Variants in BBS5 observed in about 807,000 individuals in gnomAD.
The protein encoded by BBS5 is Bardet-Biedl syndrome 5.
In BBS5, 39 loss-of-function variants were observed where a neutral mutation model predicts 50.2. That is an observed-to-expected ratio of 0.78 (90% confidence interval 0.60 to 1.01). The LOEUF (loss-of-function observed/expected upper bound fraction) is 1.01, where lower values mean the gene tolerates loss of function less well. Among genes scored for constraint, BBS5 ranks in the 50% least tolerant of loss-of-function variants. The probability of loss-of-function intolerance (pLI) is 0.00; values close to 1 mark genes in which losing one functional copy is unlikely to be tolerated. For missense variants in BBS5, 356 were observed against 401.5 expected (o/e 0.89, Z 0.97); for synonymous variants, 134 against 133.1 (o/e 1.01, Z -0.05).
In BBS5 at chr2:169,497,704, A is replaced by C. The variant is rs1262881139; in HGVS notation, c.681+15A>C. Reference sequence around the variant, plus strand: ...GCTCTCAGCAGGTAAGATCTTGTATATTTTTATTAATCTTTGATTTTTAAA... The same window carrying C: ...GCTCTCAGCAGGTAAGATCTTGTATCTTTTTATTAATCTTTGATTTTTAAA... On this transcript the variant is annotated intron_variant, in intron 8 of 11. Coordinates refer to ENST00000295240, the MANE Select transcript of BBS5 (RefSeq NM_152384.3). The C allele has an allele frequency of 3.3e-6, 5 of 1,533,390 alleles. No homozygotes were observed. Among genetic ancestry groups the C allele is most frequent in the Non-Finnish European group, 4.5e-6 (5 of 1,109,450 alleles). 95.0% of individuals were successfully genotyped at this position (1,533,390 alleles called of 1,614,324 possible).
At chr2:169,501,980 G>A (rs963039251) in intron 9 of BBS5, among the ~76,000 whole-genome samples, 1 of 151,926 alleles carries the variant, frequency 6.6e-6, no homozygotes, top group Non-Finnish European at 1.5e-5. Flanking sequence ...ATCTCTTCAG[G>A]ATCTTCCCTG....
chr2:169,494,067 A>G (rs1160871644), intron 7 of BBS5, among the ~76,000 whole-genome samples: 3 of 152,316 alleles, frequency 2.0e-5, no homozygotes, highest in Admixed American at 6.5e-5. Context: ...TTGCTATTAG[A>G]AGAGAAATAT....
intron 10 of BBS5, 57 bp from the exon 11 acceptor site, chr2:169,504,245 TG>T: frequency 2.7e-6 from 4 of 1,454,858 alleles, no homozygotes; most frequent in Non-Finnish European, 3.9e-6. Context: ...CTTAGCCCAC[TG>T]ATCTATTCGA....
At chr2:169,480,033 C>T (rs1181346983) in intron 1 of BBS5, among the ~76,000 whole-genome samples, 6 of 152,108 alleles carry the variant, frequency 3.9e-5, no homozygotes, top group Admixed American at 1.3e-4. Flanking sequence ...TAATATCGAC[C>T]CACAGTGTGG....
chr2:169,493,121 A>G, intron 6 of BBS5, 112 bp downstream of exon 6: 2 of 1,282,432 alleles, frequency 1.6e-6, no homozygotes, highest in South Asian at 2.4e-5. Flanking sequence ...GCATTATAGG[A>G]AAGCGTATTA....
chr2:169,489,851 CT>C (rs71003093), intron 5 of BBS5, among the ~76,000 whole-genome samples: 1 of 65,898 alleles, frequency 1.5e-5, no homozygotes. Context: ...CATAAATTTC[CT>C]TTTTTTTTTT....
chr2:169,501,563 C>T (rs1354010517), intron 9 of BBS5, among the ~76,000 whole-genome samples: 1 of 152,028 alleles, frequency 6.6e-6, no homozygotes, highest in African/African-American at 2.4e-5. Flanking sequence ...ATAGTGACAC[C>T]CTGTCTCTAC....
intron 5 of BBS5, among the ~76,000 whole-genome samples, chr2:169,490,142 C>T (rs1199833345): frequency 2.0e-5 from 3 of 146,538 alleles, no homozygotes; most frequent in African/African-American, 5.0e-5. Flanking sequence ...CCCAAAGGGC[C>T]GGGATTACAG....
At chr2:169,502,288 G>T (rs1683823215) in intron 9 of BBS5, among the ~76,000 whole-genome samples, 1 of 152,086 alleles carries the variant, frequency 6.6e-6, no homozygotes, top group Non-Finnish European at 1.5e-5. Flanking sequence ...ATACTGTGAG[G>T]CATATTATTA....
chr2:169,497,351 T>C (rs542894796), intron 7 of BBS5, among the ~76,000 whole-genome samples: 10 of 152,312 alleles, frequency 6.6e-5, no homozygotes, highest in South Asian at 4.1e-4. Flanking sequence ...TAAAAATGTT[T>C]ACTCCCTGGA....
intron 1 of BBS5, among the ~76,000 whole-genome samples, chr2:169,481,809 T>C (rs1683402849): frequency 6.6e-6 from 1 of 152,210 alleles, no homozygotes; most frequent in South Asian, 2.1e-4. Flanking sequence ...TTCTCTCCTG[T>C]GCACAGGATA....
intron 8 of BBS5, among the ~76,000 whole-genome samples, chr2:169,498,156 T>TAC (rs201544553): frequency 6.6e-6 from 1 of 152,174 alleles, no homozygotes; most frequent in East Asian, 1.9e-4. Flanking sequence ...TATATTTGTG[T>TAC]ACACACACAC....
intron 8 of BBS5, chr2:169,499,112 T>C (rs1683751059): frequency 5.0e-6 from 1 of 200,004 alleles, no homozygotes; most frequent in Non-Finnish European, 1.0e-5. Flanking sequence ...TCCCTTGGCC[T>C]TCACAGTCTA....
chr2:169,497,652 A>C lies in BBS5; in HGVS notation c.644A>C (p.Lys215Thr). Residue 215 changes from lysine (K) to threonine (T), a missense_variant, in exon 8 of 12, where the codon AAA becomes ACA. Transcript: ENST00000295240. The stretch of plus-strand genomic sequence containing the variant: ...CGTTCAATAAAGATTAGAGATTCAA[A>C]ATTTGGTTTAGCTCTTGTCATAGAA... ...QIRSIKIRDS[K>T]FGLALVIESS... The C allele has an allele frequency of 6.3e-7, 1 of 1,599,352 alleles. No homozygotes were observed. Among genetic ancestry groups the C allele is most frequent in the East Asian group, 2.2e-5 (1 of 44,644 alleles).
In BBS5 at chr2:169,487,808, G is replaced by A. The variant is rs1397496181; in HGVS notation, c.211G>A (p.Val71Ile). 81 of 1,606,364 alleles carry A rather than the reference G, an allele frequency of 5.0e-5. No individual in the cohort carries two copies. The highest frequency in any genetic ancestry group is 6.9e-5 in the Non-Finnish European group (81 of 1,174,624). Residue 71 changes from valine to isoleucine, a missense_variant and splice_region_variant, in exon 4 of 12, where the codon GTC (valine) becomes ATC (isoleucine). Physicochemically the swap from Val to Ile is conservative, Grantham distance 29. Coordinates refer to ENST00000295240, the MANE Select transcript of BBS5 (RefSeq NM_152384.3). ...CATTCTTTGCTTTTGGATTTTAGCTGTCGGTTACAATTGCATATTGAATAT... is the reference window on the plus strand; with the variant it reads ...CATTCTTTGCTTTTGGATTTTAGCTATCGGTTACAATTGCATATTGAATAT... The part of the protein sequence containing the change: ...SLALSRVNVS[V>I]GYNCILNITT...
At chr2:169,481,905 C>T (rs1254561852) in intron 1 of BBS5, among the ~76,000 whole-genome samples, 4 of 152,236 alleles carry the variant, frequency 2.6e-5, no homozygotes, top group Admixed American at 1.3e-4. Flanking sequence ...CTCACTACCT[C>T]CCAATATGGT....
rs1683515249 is a variant in BBS5, at chr2:169,488,014, T to G, written c.286T>G (p.Tyr96Asp). ...SKLRGQTEAL[Y>D]ILTKCNSTRF... is the part of the protein sequence containing the mutation. Reference sequence around the variant, plus strand: ...ATTACGAGGCCAAACTGAAGCTCTCTATATACTAACAAAATGTAACAGTAC... The same window carrying G: ...ATTACGAGGCCAAACTGAAGCTCTCGATATACTAACAAAATGTAACAGTAC... The change falls in exon 5 of 12, where the codon TAT becomes GAT. Residue 96 changes from tyrosine (Y) to aspartate (D), a missense_variant. By Grantham distance (160) the Tyr-to-Asp change is radical. Transcript: ENST00000295240. 1 of 1,613,772 alleles carries G rather than the reference T, an allele frequency of 6.2e-7. No homozygotes were observed. The highest frequency in any genetic ancestry group is 1.3e-5 in the African/African-American group (1 of 74,926).
intron 10 of BBS5, 54 bp from the exon 11 acceptor site, chr2:169,504,249 C>G (rs1236991366): frequency 7.4e-6 from 11 of 1,491,336 alleles, no homozygotes; most frequent in Non-Finnish European, 1.0e-5. Context: ...GCCCACTGAT[C>G]TATTCGAATA....
intron 7 of BBS5, among the ~76,000 whole-genome samples, chr2:169,496,966 C>G (rs1683705446): frequency 6.6e-6 from 1 of 152,078 alleles, no homozygotes; most frequent in Admixed American, 6.5e-5. Context: ...AAAAACTAAA[C>G]TAGGCTTAGG....
Sources: gnomAD v4.1 joint callset for allele counts (sites outside exome capture counted in the v4.1 genomes callset) on GRCh38, gnomAD v4.1.1 for gene constraint, MANE v1.5 for transcripts, NCBI Gene and HGNC (gene_info 2026-07-23, HGNC 2026-07-21) for gene names.